REDIC1: variants seen among roughly 807,000 people sequenced by gnomAD.
The protein encoded by REDIC1 is HEI10 Interacting Protein 1.
the REDIC1 span, among the ~76,000 whole-genome samples, chr12:39,731,712 T>C: frequency 1.3e-5 from 2 of 152,154 alleles, no homozygotes; most frequent in African/African-American, 2.4e-5. Flanking sequence ...TTCAGAGCCA[T>C]CAGGCAGGAA....
the REDIC1 span, among the ~76,000 whole-genome samples, chr12:39,734,877 G>T: frequency 6.6e-6 from 1 of 152,114 alleles, no homozygotes; most frequent in Admixed American, 6.5e-5. Flanking sequence ...AAAAATTCCT[G>T]GTTAGATTTT....
chr12:39,884,650 G>T, the REDIC1 span, among the ~76,000 whole-genome samples: 1 of 152,104 alleles, frequency 6.6e-6, no homozygotes, highest in South Asian at 2.1e-4. Context: ...AACACTGAGG[G>T]TGACCGCCAT....
chr12:39,653,595 T>C, the REDIC1 span, among the ~76,000 whole-genome samples: 1 of 146,186 alleles, frequency 6.8e-6, no homozygotes, highest in Non-Finnish European at 1.5e-5. Flanking sequence ...CTTCTTCCTC[T>C]TCTTCTTCTT....
chr12:39,788,606 C>T, the REDIC1 span: 2 of 152,070 alleles, frequency 1.3e-5, no homozygotes, highest in Admixed American at 6.6e-5. Flanking sequence ...AACTGTGGAA[C>T]GAGAAACCAT....
chr12:39,748,332 C>T, the REDIC1 span, among the ~76,000 whole-genome samples: 2 of 152,138 alleles, frequency 1.3e-5, no homozygotes, highest in Admixed American at 6.5e-5. Context: ...AAAGCCATTA[C>T]ATAATGGTAA....
the REDIC1 span, among the ~76,000 whole-genome samples, chr12:39,896,454 GTATA>G: frequency 2.1e-5 from 3 of 141,000 alleles, no homozygotes; most frequent in East Asian, 4.2e-4. Context: ...GTATATGTGT[GTATA>G]TATGTATACA....
chr12:39,830,116 C>T, the REDIC1 span: 3 of 1,613,640 alleles, frequency 1.9e-6, no homozygotes, highest in Non-Finnish European at 2.5e-6. Context: ...CCCCAGGCTG[C>T]CTCATTTGTA....
At chr12:39,857,630 A>G in the REDIC1 span, among the ~76,000 whole-genome samples, 6 of 152,292 alleles carry the variant, frequency 3.9e-5, no homozygotes, top group South Asian at 4.1e-4. Flanking sequence ...AAAAACACAA[A>G]TCTGATAATG....
the REDIC1 span, among the ~76,000 whole-genome samples, chr12:39,799,476 G>T: frequency 6.6e-6 from 1 of 151,644 alleles, no homozygotes. Flanking sequence ...AATCCACCCA[G>T]AATAACCTCT....
the REDIC1 span, chr12:39,691,954 G>A: frequency 8.8e-7 from 1 of 1,137,240 alleles, no homozygotes; most frequent in Non-Finnish European, 1.2e-6. Flanking sequence ...TAAAAGAAAA[G>A]TACTATAAAA....
At chr12:39,884,567 G>A in the REDIC1 span, among the ~76,000 whole-genome samples, 199 of 152,252 alleles carry the variant, frequency 1.3e-3, 1 homozygote, top group African/African-American at 4.4e-3. Flanking sequence ...TATTCAGGAC[G>A]TACTATGTGC....
At chr12:39,644,492 A>C in the REDIC1 span, among the ~76,000 whole-genome samples, 19,739 of 151,790 alleles carry the variant, frequency 0.13, 1,411 homozygotes, top group East Asian at 0.19. Flanking sequence ...CTTGTGTCTG[A>C]TATTTAATTT....
At chr12:39,888,110 G>C in the REDIC1 span, among the ~76,000 whole-genome samples, 2 of 152,326 alleles carry the variant, frequency 1.3e-5, no homozygotes, top group Non-Finnish European at 2.9e-5. Flanking sequence ...TGTGCTTCTG[G>C]AGAAGTAACA....
At chr12:39,821,398 A>C in the REDIC1 span, among the ~76,000 whole-genome samples, 1 of 152,054 alleles carries the variant, frequency 6.6e-6, no homozygotes, top group African/African-American at 2.4e-5. Context: ...TAACAGAGCA[A>C]GACTCCGTCT....
the REDIC1 span, among the ~76,000 whole-genome samples, chr12:39,744,002 A>AAAC: frequency 2.0e-5 from 3 of 152,278 alleles, no homozygotes; most frequent in East Asian, 3.9e-4. Context: ...ATAAATGCCA[A>AAAC]AACAACAACA....
chr12:39,789,366 G>A, the REDIC1 span, among the ~76,000 whole-genome samples: 2 of 152,030 alleles, frequency 1.3e-5, no homozygotes, highest in Admixed American at 6.6e-5. Context: ...ATTCATTCAG[G>A]TAGATGCCTT....
chr12:39,796,489 T>C, the REDIC1 span, among the ~76,000 whole-genome samples: 3 of 151,832 alleles, frequency 2.0e-5, no homozygotes, highest in Admixed American at 2.0e-4. Context: ...TTCTAGGCCA[T>C]TTCCTTAAAA....
At chr12:39,725,879 G>T in the REDIC1 span, among the ~76,000 whole-genome samples, 1 of 151,818 alleles carries the variant, frequency 6.6e-6, no homozygotes, top group Non-Finnish European at 1.5e-5. Flanking sequence ...TGTCTGAGGG[G>T]TGTGTGTGTG....
the REDIC1 span, among the ~76,000 whole-genome samples, chr12:39,891,733 G>A: frequency 6.6e-6 from 1 of 152,138 alleles, no homozygotes. Flanking sequence ...GTTAGTGACA[G>A]GAATAGGCTC....
Sources: allele counts gnomAD v4.1 joint callset (sites outside exome capture counted in the v4.1 genomes callset), GRCh38; gene constraint gnomAD v4.1.1; transcripts MANE v1.5; gene names NCBI Gene and HGNC (gene_info 2026-07-23, HGNC 2026-07-21).